The following DYM variants were observed in gnomAD, a reference collection of about 807,000 sequenced individuals.
DYM encodes the protein dyggve-Melchior-Clausen syndrome protein.
A neutral mutation model predicts 93.1 loss-of-function variants in DYM; 78 were observed. The ratio of observed to expected loss-of-function variants is 0.84; its 90% CI spans 0.70 to 1.01. DYM has a LOEUF of 1.01. Among genes scored for constraint, DYM ranks in the 50% least tolerant of loss-of-function variants. DYM has a pLI of 0.00. For missense variants in DYM, 789 were observed against 845.0 expected (o/e 0.93, Z 0.82); for synonymous variants, 321 against 319.7 (o/e 1.00, Z -0.04).
chr18:49,394,539 T>C (rs1477623474), intron 2 of DYM, among the ~76,000 whole-genome samples: 1 of 152,216 alleles, frequency 6.6e-6, no homozygotes, highest in Non-Finnish European at 1.5e-5. Flanking sequence ...ATAGAAATTT[T>C]AGAATTTTTT....
intron 13 of DYM, among the ~76,000 whole-genome samples, chr18:49,250,804 C>A (rs917612567): frequency 1.3e-5 from 2 of 152,104 alleles, no homozygotes; most frequent in African/African-American, 4.8e-5. Context: ...CTAGATTCAG[C>A]GATATAGCTG....
rs144711076 is a variant in DYM, at chr18:49,138,016, T to G, written c.1729-19090A>C. Among the ~76,000 whole-genome samples, 394 of 152,292 alleles carry G rather than the reference T, an allele frequency of 2.6e-3. 10 individuals are homozygous for G. The highest frequency in any genetic ancestry group is 0.023 in the Admixed American group (349 of 15,296). On this transcript the variant is annotated intron_variant, in intron 15 of 17. Transcript: ENST00000675505. ...TGCCCAAAGAATAGGAAAATGGTAG[T>G]ATAAAACCAATGTGTGTAATCTAAT...
intron 13 of DYM, among the ~76,000 whole-genome samples, chr18:49,231,529 G>C (rs1219305700): frequency 6.6e-6 from 1 of 152,202 alleles, no homozygotes; most frequent in Non-Finnish European, 1.5e-5. Flanking sequence ...AACAGCTTAA[G>C]TTCTCTTAGG....
At chr18:49,436,183 T>C (rs958752645) in intron 1 of DYM, among the ~76,000 whole-genome samples, 1 of 152,058 alleles carries the variant, frequency 6.6e-6, no homozygotes, top group African/African-American at 2.4e-5. Flanking sequence ...CTGCTAACTT[T>C]TTTAAATTTT....
chr18:49,316,083 A>G (rs2061914573), intron 8 of DYM, among the ~76,000 whole-genome samples: 1 of 152,198 alleles, frequency 6.6e-6, no homozygotes, highest in Admixed American at 6.5e-5. Flanking sequence ...GGAGTTCAAG[A>G]CCAGCCTGGC....
intron 8 of DYM, among the ~76,000 whole-genome samples, chr18:49,319,051 C>A (rs1309115019): frequency 6.6e-6 from 1 of 152,040 alleles, no homozygotes; most frequent in African/African-American, 2.4e-5. Flanking sequence ...GTGATCCACC[C>A]ACCTCGGCCT....
intron 16 of DYM, among the ~76,000 whole-genome samples, chr18:49,109,125 A>G (rs560895185): frequency 6.6e-6 from 1 of 152,146 alleles, no homozygotes; most frequent in South Asian, 2.1e-4. Flanking sequence ...TTTCTTATAG[A>G]CAGCACATAG....
intron 13 of DYM, among the ~76,000 whole-genome samples, chr18:49,249,763 G>A (rs957254969): frequency 2.0e-5 from 3 of 152,192 alleles, no homozygotes; most frequent in African/African-American, 7.2e-5. Flanking sequence ...CTACTACACG[G>A]AAGTTGCACA....
intron 15 of DYM, among the ~76,000 whole-genome samples, chr18:49,155,315 C>A (rs919850427): frequency 6.6e-6 from 1 of 152,212 alleles, no homozygotes; most frequent in Admixed American, 6.5e-5. Context: ...TCTACTAGTA[C>A]ACACACCCAA....
At chr18:49,325,982 C>T (rs1240791072) in intron 8 of DYM, among the ~76,000 whole-genome samples, 1 of 152,194 alleles carries the variant, frequency 6.6e-6, no homozygotes, top group Admixed American at 6.5e-5. Flanking sequence ...GAAAGGCCCA[C>T]AGCAGAAGAG....
chr18:49,067,228 A>T, intron 17 of DYM, among the ~76,000 whole-genome samples: 1 of 103,706 alleles, frequency 9.6e-6, no homozygotes, highest in Admixed American at 1.1e-4. Context: ...CAGGTTCAGT[A>T]GAGGAAGGAG....
intron 14 of DYM, among the ~76,000 whole-genome samples, chr18:49,180,307 T>C (rs755200313): frequency 2.0e-5 from 3 of 152,184 alleles, no homozygotes; most frequent in Non-Finnish European, 4.4e-5. Context: ...CAGAAAACTA[T>C]AGATGTCAGT....
chr18:49,043,572 T>G lies in DYM; in HGVS notation c.*483A>C, dbSNP rs2071088456. On this transcript the variant is annotated 3_prime_UTR_variant, in exon 18 of 18. Coordinates refer to ENST00000675505, the MANE Select transcript of DYM (RefSeq NM_001353214.3). ...TTCTTTATTAATTCCTGCCTCATCA[T>G]CTTTTCTCATTGATGCTCCTTAATG... 6.4e-6 allele frequency: 1 copy of G among 155,970 alleles called. No individual in the cohort carries two copies. The highest frequency in any genetic ancestry group is 6.2e-5 in the Admixed American group (1 of 16,090). The allele number at this position is 155,970 out of a possible 1,614,324, so 9.7% of individuals were successfully genotyped here.
intron 8 of DYM, among the ~76,000 whole-genome samples, chr18:49,302,401 C>T (rs1421873411): frequency 6.6e-6 from 1 of 152,104 alleles, no homozygotes; most frequent in Admixed American, 6.5e-5. Flanking sequence ...TGTGAAAACA[C>T]AATTTTAAAA....
intron 16 of DYM, among the ~76,000 whole-genome samples, chr18:49,097,761 T>G (rs2079691598): frequency 1.3e-5 from 2 of 152,196 alleles, no homozygotes; most frequent in African/African-American, 4.8e-5. Context: ...AATTCTACTC[T>G]TTCTTGTGCT....
chr18:49,290,062 C>A (rs188775851), intron 8 of DYM, among the ~76,000 whole-genome samples: 1 of 150,542 alleles, frequency 6.6e-6, no homozygotes, highest in Non-Finnish European at 1.5e-5. Flanking sequence ...ATGAGCCCAG[C>A]AATTCTTTTT....
At chr18:49,236,507 T>C (rs2093871040) in intron 13 of DYM, among the ~76,000 whole-genome samples, 1 of 151,268 alleles carries the variant, frequency 6.6e-6, no homozygotes, top group Non-Finnish European at 1.5e-5. Context: ...AATAAATAAA[T>C]AGCCATTCTC....
At chr18:49,323,301 A>G (rs34768306) in intron 8 of DYM, among the ~76,000 whole-genome samples, 2,316 of 152,310 alleles carry the variant, frequency 0.015, 29 homozygotes, top group Non-Finnish European at 0.025. Flanking sequence ...GTGGTTTAAG[A>G]TAATGACTAG....
At chr18:49,292,351 G>GGCAGGCAGGCAGGCAGAC (rs2060184613) in intron 8 of DYM, among the ~76,000 whole-genome samples, 1 of 106,678 alleles carries the variant, frequency 9.4e-6, no homozygotes, top group East Asian at 4.0e-4. Flanking sequence ...CAGACAGACA[G>GGCAGGCAGGCAGGCAGAC]ACAGACACAC....
Sources: allele counts gnomAD v4.1 joint callset (sites outside exome capture counted in the v4.1 genomes callset), GRCh38; gene constraint gnomAD v4.1.1; transcripts MANE v1.5; gene names NCBI Gene and HGNC (gene_info 2026-07-23, HGNC 2026-07-21).